CLCN1: variants seen among roughly 807,000 people sequenced by gnomAD.
CLCN1 encodes chloride channel protein 1.
CLCN1 carries 100 observed loss-of-function variants against 114.5 expected under a neutral mutation model. The observed-to-expected ratio is 0.87, with a 90% CI of 0.74 to 1.03. The LOEUF (loss-of-function observed/expected upper bound fraction) is 1.03. Among genes scored for constraint, CLCN1 ranks in the 50% least tolerant of loss-of-function variants. The pLI, the probability that CLCN1 is intolerant of heterozygous loss-of-function variation, is 0.00. For missense variants in CLCN1, 1,188 were observed against 1,250.0 expected (o/e 0.95, Z 0.75); for synonymous variants, 485 against 487.1 (o/e 1.00, Z 0.06).
At position 143,339,245 on chromosome 7, in the gene CLCN1, T is replaced by C. The variant is rs753476750; in HGVS notation, c.1402-8T>C. ...GAAAGGGTATTCCAACGCTTCTTTCTACTCCAGTTCTGGATGTCCATCGTG... is the reference window on the plus strand; with the variant it reads ...GAAAGGGTATTCCAACGCTTCTTTCCACTCCAGTTCTGGATGTCCATCGTG... On this transcript the variant is annotated splice_polypyrimidine_tract_variant and splice_region_variant and intron_variant, in intron 12 of 22. Coordinates refer to ENST00000343257, the MANE Select transcript of CLCN1 (RefSeq NM_000083.3). This position sits in a 1 kb window ranked among gnomAD's most constrained non-coding sequence, Gnocchi z 4.1. 3.1e-6 allele frequency: 5 copies of C among 1,592,192 alleles called. No individual in the cohort carries two copies. The African/African-American group carries it at 5.4e-5, about 17-fold the overall frequency.
In CLCN1 at chr7:143,318,980, G is replaced by A. The variant is rs188346638; in HGVS notation, c.181-775G>A. The stretch of plus-strand genomic sequence containing the variant: ...GGCCTGGCCTGACCCTGGCCCCAGA[G>A]GACAGTTAGTGTAGTGGGAGTGGGG... On this transcript the variant is annotated intron_variant, in intron 1 of 22. Coordinates refer to ENST00000343257, the MANE Select transcript of CLCN1 (RefSeq NM_000083.3). 2.7e-3 allele frequency among the ~76,000 whole-genome samples: 404 copies of A among 152,298 alleles called. 4 individuals carry two copies. The highest frequency in any genetic ancestry group is 9.1e-3 in the African/African-American group (380 of 41,554).
Position 143,321,244 on chromosome 7 carries a change from C to A in CLCN1, c.434-121C>A. On this transcript the variant is annotated intron_variant, in intron 3 of 22. Coordinates refer to ENST00000343257, the MANE Select transcript of CLCN1 (RefSeq NM_000083.3). The surrounding 1 kb of genome is among the most constrained non-coding windows in gnomAD (Gnocchi z 4.2). ...TCCCATGTGTCAAATGAGAGCAGCA[C>A]CATCTCAGAAGGGGCACACAGAAGG... is the stretch of plus-strand genomic sequence containing the variant. 1 of 1,172,650 alleles carries A rather than the reference C, an allele frequency of 8.5e-7. No individual in the cohort carries two copies. 72.6% of individuals were successfully genotyped at this position (1,172,650 alleles called of 1,614,324 possible).
At position 143,345,760 on chromosome 7, in the gene CLCN1, G is replaced by T; in HGVS notation, c.2170G>T (p.Glu724Ter). The T allele has an allele frequency of 1.2e-6, 2 of 1,607,016 alleles. No individual in the cohort carries two copies. Among genetic ancestry groups the T allele is most frequent in the Non-Finnish European group, 1.7e-6 (2 of 1,177,550 alleles). Residue 724 changes from glutamate (E) to a stop codon, truncating the protein, a stop_gained and splice_region_variant, in exon 17 of 23, where the codon GAG (glutamate) becomes TAG (stop). Transcript: ENST00000343257. LOFTEE classifies it high-confidence loss of function. ...GGACGAAGACCTCTCTGGCAAGAGC[G>T]AGGTGACCGCGCCGGGAAGGGCTAG... is the stretch of plus-strand genomic sequence containing the variant. ...DEDEDLSGKS[E>*]LPPSLALHPS...
intron 16 of CLCN1, among the ~76,000 whole-genome samples, chr7:143,343,442 G>A (rs142145285): frequency 3.9e-5 from 6 of 152,322 alleles, no homozygotes; most frequent in African/African-American, 1.2e-4. Flanking sequence ...ACTTCAGCTG[G>A]GAACAGGGAC....
intron 12 of CLCN1, among the ~76,000 whole-genome samples, chr7:143,336,694 G>C (rs1253053185): frequency 3.3e-5 from 5 of 151,320 alleles, no homozygotes; most frequent in Admixed American, 6.6e-5. Context: ...GAAAGTCTTG[G>C]GAGTTATTTG....
At position 143,351,647 on chromosome 7, in the gene CLCN1, C is replaced by T. The variant is rs146366176; in HGVS notation, c.2649C>T (p.Pro883=). 8 of 1,614,102 alleles carry T rather than the reference C, an allele frequency of 5.0e-6. No homozygotes were observed. The highest frequency in any genetic ancestry group is 6.8e-6 in the Non-Finnish European group (8 of 1,180,050). Residue 883 remains proline (P), a synonymous_variant, in exon 23 of 23, where the codon CCC becomes CCT. Coordinates refer to ENST00000343257, the MANE Select transcript of CLCN1 (RefSeq NM_000083.3). Reference sequence around the variant, plus strand: ...AGTCTGGGGTGCAGCTCCGCCCTCCCCTTGCCAGCTTCCGGAACACGACTT... The same window carrying T: ...AGTCTGGGGTGCAGCTCCGCCCTCCTCTTGCCAGCTTCCGGAACACGACTT... ...HTKSGVQLRP[P]LASFRNTTST...
chr7:143,344,751 G>GTTTTTTTT (rs11370140), intron 16 of CLCN1, among the ~76,000 whole-genome samples: 1 of 131,324 alleles, frequency 7.6e-6, no homozygotes, highest in South Asian at 2.4e-4. Flanking sequence ...TCCTAGCAGG[G>GTTTTTTTT]TTTTTTTTTT....
chr7:143,346,908 T>C lies in CLCN1; in HGVS notation c.2365-3T>C, dbSNP rs770158484. On this transcript the variant is annotated splice_region_variant and splice_polypyrimidine_tract_variant and intron_variant, in intron 19 of 22. Coordinates refer to ENST00000343257, the MANE Select transcript of CLCN1 (RefSeq NM_000083.3). The stretch of plus-strand genomic sequence containing the variant: ...AACTTGGACCTATGTCTTTCTTCTC[T>C]AGGATTCCACAGATTTAGTGGATAA... 1.1e-5 allele frequency: 17 copies of C among 1,613,602 alleles called. No individual in the cohort carries two copies. In the East Asian group the frequency reaches 2.9e-4, roughly 27 times the overall value.
At chr7:143,343,482 T>A (rs2367944) in intron 16 of CLCN1, among the ~76,000 whole-genome samples, 66,754 of 152,098 alleles carry the variant, frequency 0.44, 15,213 homozygotes, top group African/African-American at 0.56. Context: ...TTGTTGCTCT[T>A]TGCATGTTTG....
Position 143,350,636 on chromosome 7 carries a change from C to A in CLCN1, c.2577C>A (p.Gly859=), listed in dbSNP as rs530181794. The A allele has an allele frequency of 2.5e-6, 4 of 1,614,050 alleles. No individual in the cohort carries two copies. The highest frequency in any genetic ancestry group is 3.4e-6 in the Non-Finnish European group (4 of 1,179,940). Residue 859 remains glycine, a synonymous_variant, in exon 22 of 23, where the codon GGC becomes GGA. Transcript: ENST00000343257. This position sits in a 1 kb window ranked among gnomAD's most constrained non-coding sequence, Gnocchi z 5.1. ...AYVTSMGKLR[G]VLALEELQKA... is the part of the protein sequence containing the mutation. ...TGACCAGCATGGGGAAGCTCAGGGGCGTCCTGGCCCTGGAGGAGGTAATCA... is the reference window on the plus strand; with the variant it reads ...TGACCAGCATGGGGAAGCTCAGGGGAGTCCTGGCCCTGGAGGAGGTAATCA...
At chr7:143,346,421 C>G (rs1803249376) in intron 18 of CLCN1, among the ~76,000 whole-genome samples, 158 bp from the exon 19 acceptor site, 1 of 152,136 alleles carries the variant, frequency 6.6e-6, no homozygotes, top group Admixed American at 6.5e-5. Context: ...GTTACTGTCC[C>G]AGGGAGTGGG....
Position 143,323,317 on chromosome 7 carries a change from C to G in CLCN1, c.705C>G (p.Phe235Leu), listed in dbSNP as rs760323048. Residue 235 changes from phenylalanine to leucine, a missense_variant, in exon 6 of 23, where the codon TTC becomes TTG. Phe to Leu is a conservative substitution (Grantham distance 22, BLOSUM62 0). Transcript: ENST00000343257. Reference protein sequence around the residue: ...SGIPVGKEGPFVHIASICAAV... With the variant: ...SGIPVGKEGPLVHIASICAAV... ...CGCTCCCCCTCTCCCAGGGCCCCTT[C>G]GTCCACATTGCCAGCATCTGTGCTG... 1.2e-6 allele frequency: 2 copies of G among 1,612,060 alleles called. No individual in the cohort carries two copies. The highest frequency in any genetic ancestry group is 1.7e-6 in the Non-Finnish European group (2 of 1,178,258).
chr7:143,348,913 C>A (rs1563089249), intron 20 of CLCN1, among the ~76,000 whole-genome samples: 1 of 152,204 alleles, frequency 6.6e-6, no homozygotes, highest in Non-Finnish European at 1.5e-5. Context: ...CAATTACTGA[C>A]TGTGTAATCC....
At position 143,336,604 on chromosome 7, in the gene CLCN1, C is replaced by CAA. The variant is rs573516521; in HGVS notation, c.1402-2629_1402-2628dup. ...CCTGGGTGACAGAACAAGACTCTGT[C>CAA]AAAAAAAAAAAAAAAAAAAAAGAAG... On this transcript the variant is annotated intron_variant, in intron 12 of 22. Transcript: ENST00000343257. 1.5e-3 allele frequency among the ~76,000 whole-genome samples: 121 copies of CAA among 80,380 alleles called. 1 individual carries two copies. The highest frequency in any genetic ancestry group is 7.6e-3 in the Middle Eastern group (1 of 132). The allele number at this position is 80,380 out of a possible 152,430, so 52.7% of individuals were successfully genotyped here.
Position 143,352,067 on chromosome 7 carries a change from TGTC to T in CLCN1, c.*105_*107del, listed in dbSNP as rs1010030040. 9 of 1,451,622 alleles carry T rather than the reference TGTC, an allele frequency of 6.2e-6. No homozygotes were observed. In the African/African-American group the frequency reaches 7.0e-5, roughly 11 times the overall value. The allele number at this position is 1,451,622 out of a possible 1,614,324, so 89.9% of individuals were successfully genotyped here. A position where few individuals can be genotyped will look rare whatever the true frequency, so the allele number is the denominator to read the frequency against. On this transcript the variant is annotated 3_prime_UTR_variant, in exon 23 of 23. Coordinates refer to ENST00000343257, the MANE Select transcript of CLCN1 (RefSeq NM_000083.3). Reference sequence around the variant, plus strand: ...CCTGAATGTGGCGAGGTCATGCCAATGTCGTGGCCTCTTCCAGGAATTTTTTAA... The same window carrying T: ...CCTGAATGTGGCGAGGTCATGCCAATGTGGCCTCTTCCAGGAATTTTTTAA...
At chr7:143,351,534 C>G in intron 22 of CLCN1, 60 bp from the exon 23 acceptor site, 1 of 1,569,782 alleles carries the variant, frequency 6.4e-7, no homozygotes, top group Middle Eastern at 1.7e-4. Context: ...TCTCTCACTG[C>G]CCCCGTCTTT....
At chr7:143,325,171 T>G (rs556646716) in intron 7 of CLCN1, among the ~76,000 whole-genome samples, 1 of 152,338 alleles carries the variant, frequency 6.6e-6, no homozygotes, top group East Asian at 1.9e-4. Context: ...TCAAAATCAA[T>G]TATAGCTAGA....
Position 143,321,293 on chromosome 7 carries a change from G to A in CLCN1, c.434-72G>A, listed in dbSNP as rs1802424242. ...GGAGCACGGCCTGAGAACATGCCGGGTACACGTCCTGGTGCCGTGGACACG... is the reference window on the plus strand; with the variant it reads ...GGAGCACGGCCTGAGAACATGCCGGATACACGTCCTGGTGCCGTGGACACG... On this transcript the variant is annotated intron_variant, in intron 3 of 22. Transcript: ENST00000343257. The surrounding 1 kb of genome is among the most constrained non-coding windows in gnomAD (Gnocchi z 4.2). 1.2e-5 allele frequency: 19 copies of A among 1,580,000 alleles called. No homozygotes were observed. In the South Asian group the frequency reaches 2.0e-4, roughly 17 times the overall value.
chr7:143,323,893 C>T (rs1357822296), intron 6 of CLCN1: 7 of 470,264 alleles, frequency 1.5e-5, no homozygotes, highest in Non-Finnish European at 2.6e-5. Flanking sequence ...CAGCCCCTGT[C>T]GGAGGCAAGT....
Sources: allele counts gnomAD v4.1 joint callset (sites outside exome capture counted in the v4.1 genomes callset), GRCh38; gene constraint gnomAD v4.1.1; non-coding constraint Gnocchi (gnomAD v3.1); transcripts MANE v1.5; gene names NCBI Gene and HGNC (gene_info 2026-07-23, HGNC 2026-07-21).